ITGA4: variants seen among roughly 807,000 people sequenced by gnomAD.
ITGA4 encodes integrin subunit alpha 4.
Under a neutral mutation model 133.6 loss-of-function variants are expected in ITGA4, and 63 were observed. That is an observed-to-expected ratio of 0.47 (90% CI 0.38 to 0.58). The LOEUF is 0.58. Among genes scored for constraint, ITGA4 ranks in the 20% least tolerant of loss-of-function variants. ITGA4 has a pLI of 0.00. For synonymous variants in ITGA4, 483 were observed against 438.0 expected (o/e 1.10, Z -1.28); for missense variants, 1,076 against 1,252.7 (o/e 0.86, Z 2.13).
intron 2 of ITGA4, 41 bp downstream of exon 2, chr2:181,458,358 C>A (rs769579729): frequency 6.3e-7 from 1 of 1,595,180 alleles, no homozygotes; most frequent in Non-Finnish European, 8.5e-7. Flanking sequence ...ACCTCCCGAC[C>A]CCCCATGTGG....
rs1007724755 is a variant in ITGA4, at chr2:181,457,503, C to G, written c.-152C>G. 2 of 712,262 alleles carry G rather than the reference C, an allele frequency of 2.8e-6. No individual in the cohort carries two copies. Among genetic ancestry groups the G allele is most frequent in the Admixed American group, 6.3e-5 (2 of 31,514 alleles). The allele number at this position is 712,262 out of a possible 1,614,324, so 44.1% of individuals were successfully genotyped here. On this transcript the variant is annotated 5_prime_UTR_variant, in exon 1 of 28. Transcript: ENST00000397033. ...TCCGCCCGCGGTGGGCCGACTTCCC[C>G]TCCTCTTCCCTCTCTCCTTCCTTTA...
At chr2:181,464,913 G>T (rs369043975) in intron 2 of ITGA4, among the ~76,000 whole-genome samples, 29 of 152,074 alleles carry the variant, frequency 1.9e-4, no homozygotes, top group African/African-American at 6.0e-4. Flanking sequence ...CAGTGTGCTT[G>T]TTCTCATTTT....
chr2:181,525,398 G>A, intron 21 of ITGA4, 107 bp downstream of exon 21: 1 of 598,546 alleles, frequency 1.7e-6, no homozygotes, highest in Non-Finnish European at 2.9e-6. Flanking sequence ...AAAATAAAAA[G>A]GATACTCTAT....
intron 21 of ITGA4, 57 bp downstream of exon 21, chr2:181,525,348 T>C (rs1380214491): frequency 7.7e-6 from 7 of 904,054 alleles, no homozygotes; most frequent in African/African-American, 1.7e-5. Context: ...GTTTCCTTGC[T>C]TCTTACATTA....
At chr2:181,461,554 T>C (rs189353721) in intron 2 of ITGA4, among the ~76,000 whole-genome samples, 95 of 152,164 alleles carry the variant, frequency 6.2e-4, no homozygotes, top group African/African-American at 2.3e-3. Flanking sequence ...AGCTGGTTCC[T>C]AAATTAAGGT....
rs1686178932 is a variant in ITGA4, at chr2:181,497,471, A to C, written c.1541-1152A>C. Among the ~76,000 whole-genome samples the C allele has an allele frequency of 4.6e-5, 7 of 152,224 alleles. No individual in the cohort carries two copies. In the South Asian group the frequency reaches 1.5e-3, roughly 32 times the overall value. ...AACTCAGGGCAATGAACTTGTAGAC[A>C]GCTATATCAATTGCAGTGCTATTTC... On this transcript the variant is annotated intron_variant, in intron 14 of 27. Coordinates refer to ENST00000397033, the MANE Select transcript of ITGA4 (RefSeq NM_000885.6).
In ITGA4 at chr2:181,537,352, C is replaced by CAGAT; in HGVS notation, c.*1827_*1830dup. 1 of 453,786 alleles carries CAGAT rather than the reference C, an allele frequency of 2.2e-6. No individual in the cohort carries two copies. Among genetic ancestry groups the CAGAT allele is most frequent in the South Asian group, 1.6e-5 (1 of 64,456 alleles). 28.1% of individuals were successfully genotyped at this position (453,786 alleles called of 1,614,324 possible). ...CTATGGTTGTCCAACACAGGCCTCTCAGATACAAGGGGAACACAATTACAT... is the reference window on the plus strand; with the variant it reads ...CTATGGTTGTCCAACACAGGCCTCTCAGATAGATACAAGGGGAACACAATTACAT... On this transcript the variant is annotated 3_prime_UTR_variant, in exon 28 of 28. Coordinates refer to ENST00000397033, the MANE Select transcript of ITGA4 (RefSeq NM_000885.6).
At chr2:181,519,314 A>G (rs1347318210) in intron 17 of ITGA4, among the ~76,000 whole-genome samples, 1 of 152,162 alleles carries the variant, frequency 6.6e-6, no homozygotes, top group Non-Finnish European at 1.5e-5. Context: ...TAACTGGAAG[A>G]AAAAGCCCCA....
At chr2:181,533,262 T>TATAA (rs1559059281) in intron 25 of ITGA4, among the ~76,000 whole-genome samples, 4 of 152,338 alleles carry the variant, frequency 2.6e-5, no homozygotes, top group Non-Finnish European at 2.9e-5. Context: ...GCAGCTGTTA[T>TATAA]GTTCAAGTGG....
chr2:181,499,218 T>C (rs771692608), intron 15 of ITGA4, among the ~76,000 whole-genome samples: 5 of 152,264 alleles, frequency 3.3e-5, no homozygotes, highest in Non-Finnish European at 5.9e-5. Flanking sequence ...TTTTGGGTTA[T>C]GTCTTTGTTT....
chr2:181,515,035 TGAAA>T (rs1320901849), intron 17 of ITGA4, among the ~76,000 whole-genome samples: 3 of 152,152 alleles, frequency 2.0e-5, no homozygotes, highest in Non-Finnish European at 2.9e-5. Context: ...CCTGGATGCT[TGAAA>T]GAAATGCAGA....
rs749620257 is a variant in ITGA4, at chr2:181,509,676, C to A, written c.1714C>A (p.Leu572Ile). The A allele has an allele frequency of 5.0e-6, 8 of 1,597,960 alleles. No individual in the cohort carries two copies. In the Admixed American group the frequency reaches 1.4e-4, roughly 28 times the overall value. The change falls in exon 16 of 28, where the codon CTC (leucine) becomes ATC (isoleucine). Residue 572 changes from leucine (L) to isoleucine (I), a missense_variant. By Grantham distance (5) the Leu-to-Ile change is conservative (BLOSUM62 2). Transcript: ENST00000397033. Reference protein sequence around the residue: ...AFMRKDVRDILTPIQIEAAYH... With the variant: ...AFMRKDVRDIITPIQIEAAYH... ...TCCTTAGAAAGATGTGCGGGACATC[C>A]TCACCCCAATTCAGATTGAAGCTGC...
chr2:181,515,054 T>C (rs1169703632), intron 17 of ITGA4, among the ~76,000 whole-genome samples: 1 of 152,074 alleles, frequency 6.6e-6, no homozygotes, highest in Non-Finnish European at 1.5e-5. Context: ...TGCAGATTCC[T>C]AGGCCCCAGA....
chr2:181,535,342 G>A (rs560275591), intron 27 of ITGA4, 90 bp from the exon 28 acceptor site: 17 of 949,286 alleles, frequency 1.8e-5, no homozygotes, highest in African/African-American at 1.5e-4. Flanking sequence ...AAGAAATATT[G>A]GTGTTAACTG....
intron 17 of ITGA4, among the ~76,000 whole-genome samples, chr2:181,513,423 C>G (rs1003775918): frequency 1.3e-5 from 2 of 152,026 alleles, no homozygotes; most frequent in African/African-American, 4.8e-5. Context: ...ATTCTTTTCT[C>G]TTTCTTATTT....
chr2:181,530,705 C>T (rs1686927393), intron 24 of ITGA4, 56 bp downstream of exon 24: 1 of 1,537,480 alleles, frequency 6.5e-7, no homozygotes, highest in African/African-American at 1.4e-5. Flanking sequence ...AAGTGAGACA[C>T]TTAAAATCAA....
intron 23 of ITGA4, 87 bp downstream of exon 23, chr2:181,529,735 T>C: frequency 1.4e-6 from 1 of 698,808 alleles, no homozygotes; most frequent in Non-Finnish European, 2.5e-6. Flanking sequence ...CGAGTAATGA[T>C]GTGAAAATGG....
intron 24 of ITGA4, among the ~76,000 whole-genome samples, chr2:181,531,229 T>A (rs1167496743): frequency 6.6e-6 from 1 of 152,192 alleles, no homozygotes; most frequent in South Asian, 2.1e-4. Context: ...TGTCTTCACC[T>A]GGGCAGCCTT....
rs751812575 is a variant in ITGA4, at chr2:181,537,044, G to A, written c.*1517G>A. ...TTCTGAGATTTGCGAAGGCATTTGA[G>A]TAGTGAAATGTAAGCACAAAACCTC... On this transcript the variant is annotated 3_prime_UTR_variant, in exon 28 of 28. Transcript: ENST00000397033. The A allele has an allele frequency of 1.8e-5, 8 of 444,342 alleles. No homozygotes were observed. The highest frequency in any genetic ancestry group is 1.2e-4 in the Admixed American group (5 of 41,640). 27.5% of individuals were successfully genotyped at this position (444,342 alleles called of 1,614,324 possible).
Sources: gnomAD v4.1 joint callset for allele counts (sites outside exome capture counted in the v4.1 genomes callset) on GRCh38, gnomAD v4.1.1 for gene constraint, MANE v1.5 for transcripts, NCBI Gene and HGNC (gene_info 2026-07-23, HGNC 2026-07-21) for gene names.